HK1: variants seen among roughly 807,000 people sequenced by gnomAD.
HK1 encodes hexokinase 1.
In HK1, 28 loss-of-function variants were observed where a neutral mutation model predicts 91.6. The ratio of observed to expected loss-of-function variants is 0.31; its 90% CI spans 0.23 to 0.42. HK1 has a LOEUF of 0.42. Ranked by LOEUF, HK1 falls within the 10% of genes least tolerant of loss-of-function variation. The pLI is 1.00. For synonymous variants in HK1, 430 were observed against 468.1 expected, an observed-to-expected ratio of 0.92 and a Z score of 1.05; for missense variants, 770 against 1,219.8, an observed-to-expected ratio of 0.63 and a Z score of 5.49.
chr10:69,375,073 T>C (rs958071284), intron 7 of HK1, among the ~76,000 whole-genome samples: 2 of 152,234 alleles, frequency 1.3e-5, no homozygotes, highest in African/African-American at 4.8e-5. Flanking sequence ...TTGTTAGCCC[T>C]GTCCATGGGC....
intron 15 of HK1, among the ~76,000 whole-genome samples, chr10:69,394,232 A>G (rs920445629): frequency 2.0e-5 from 3 of 152,242 alleles, no homozygotes; most frequent in African/African-American, 7.2e-5. Flanking sequence ...AGGGCAGGAA[A>G]TTTGAAGTCC....
At chr10:69,384,941 T>C in intron 12 of HK1, 26 bp downstream of exon 12, 2 of 1,614,042 alleles carry the variant, frequency 1.2e-6, no homozygotes, top group African/African-American at 1.3e-5. Flanking sequence ...TAGGGCTCAG[T>C]GATCGGGCAG....
At chr10:69,379,196 A>G (rs966061688) in intron 8 of HK1, among the ~76,000 whole-genome samples, 3 of 152,212 alleles carry the variant, frequency 2.0e-5, no homozygotes, top group Admixed American at 6.5e-5. Flanking sequence ...GAGATAAGAT[A>G]CAGAAGTCAA....
chr10:69,381,533 A>G (rs1316170114), intron 9 of HK1, among the ~76,000 whole-genome samples: 2 of 147,946 alleles, frequency 1.4e-5, no homozygotes, highest in African/African-American at 5.0e-5. Context: ...AACATGAAGT[A>G]TATCATCTTA....
chr10:69,400,631 ATTCATGTCCTAGCC>A (rs1412788441), intron 17 of HK1, among the ~76,000 whole-genome samples: 1 of 152,112 alleles, frequency 6.6e-6, no homozygotes, highest in Non-Finnish European at 1.5e-5. Flanking sequence ...TGTGTGTGTT[ATTCATGTCCTAGCC>A]TTCATAAGCC....
At chr10:69,315,553 T>C (rs954347965), upstream of HK1, among the ~76,000 whole-genome samples, 4 of 151,592 alleles carry the variant, frequency 2.6e-5, no homozygotes, top group Non-Finnish European at 4.4e-5. Flanking sequence ...ATCCAGGGAG[T>C]AACTGTCAAG....
intron 4 of HK1, 55 bp downstream of exon 4, chr10:69,364,957 A>G (rs1849625164): frequency 6.2e-7 from 1 of 1,605,802 alleles, no homozygotes; most frequent in Non-Finnish European, 8.5e-7. Context: ...TGGAAAAGCT[A>G]ACAAGCCCTT....
At chr10:69,367,183 G>C (rs1231130450) in intron 4 of HK1, among the ~76,000 whole-genome samples, 1 of 152,238 alleles carries the variant, frequency 6.6e-6, no homozygotes, top group Non-Finnish European at 1.5e-5. Context: ...AGAGGTGGGG[G>C]GTGTCCACCT....
chr10:69,393,728 C>T (rs771379252), intron 15 of HK1, among the ~76,000 whole-genome samples: 2 of 152,198 alleles, frequency 1.3e-5, no homozygotes, highest in Non-Finnish European at 2.9e-5. Context: ...GATGCTGTCG[C>T]CTACCAAATG....
At chr10:69,362,354 G>A (rs1299783154) in intron 3 of HK1, among the ~76,000 whole-genome samples, 1 of 151,730 alleles carries the variant, frequency 6.6e-6, no homozygotes, top group Admixed American at 6.6e-5. Context: ...CTGGATTATA[G>A]ATGTGAGCCA....
chr10:69,301,936 A>G lies in HK1; in HGVS notation c.27+1075A>G, dbSNP rs796348480. On this transcript the variant is annotated intron_variant, in intron 5 of 21. Coordinates refer to the HK1 transcript ENST00000360289. ...TTGAATAAGAAGAAAGAGAACTCAC[A>G]TTTCCTGATTTCAAAATTTTAAAAG... is the stretch of plus-strand genomic sequence containing the variant. Among the ~76,000 whole-genome samples, 115 of 152,156 alleles carry G rather than the reference A, an allele frequency of 7.6e-4. 3 individuals are homozygous for G. Among genetic ancestry groups the G allele is most frequent in the African/African-American group, 2.5e-3 (104 of 41,516 alleles).
intron 13 of HK1, among the ~76,000 whole-genome samples, chr10:69,387,700 C>T (rs190900941): frequency 6.6e-6 from 1 of 152,192 alleles, no homozygotes; most frequent in Non-Finnish European, 1.5e-5. Flanking sequence ...CAAGATGCCC[C>T]CGGGGTGTGT....
intron 2 of HK1, among the ~76,000 whole-genome samples, chr10:69,356,755 C>T (rs552124644): frequency 1.9e-4 from 29 of 151,822 alleles, no homozygotes; most frequent in Middle Eastern, 3.4e-3. Flanking sequence ...TGGTGGTGCA[C>T]GCCTATAATC....
intron 17 of HK1, among the ~76,000 whole-genome samples, chr10:69,399,177 A>G (rs1840277072): frequency 1.3e-5 from 2 of 152,174 alleles, no homozygotes; most frequent in African/African-American, 2.4e-5. Flanking sequence ...AGCTGTAGCC[A>G]GGCCAGAGGC....
At chr10:69,387,880 T>C (rs1839718479) in intron 13 of HK1, among the ~76,000 whole-genome samples, 1 of 145,394 alleles carries the variant, frequency 6.9e-6, no homozygotes, top group Non-Finnish European at 1.5e-5. Flanking sequence ...TTAAATTTTT[T>C]TTTTGACTTT....
At chr10:69,358,311 G>A (rs936244252) in intron 2 of HK1, among the ~76,000 whole-genome samples, 1 of 152,204 alleles carries the variant, frequency 6.6e-6, no homozygotes, top group African/African-American at 2.4e-5. Context: ...TTTGCCCATG[G>A]CCGCCTGCCT....
At chr10:69,275,395 AAAAC>A (rs1033165843) in intron 1 of HK1, among the ~76,000 whole-genome samples, 6 of 148,382 alleles carry the variant, frequency 4.0e-5, no homozygotes, top group Admixed American at 2.7e-4. Context: ...ATTTAAAAAA[AAAAC>A]AACTTAAATT....
chr10:69,345,269 A>C (rs11818709), intron 2 of HK1, among the ~76,000 whole-genome samples: 6,410 of 152,056 alleles, frequency 0.042, 455 homozygotes, highest in African/African-American at 0.15. Context: ...CTCCACCTCC[A>C]CCCTTTTGTT....
At chr10:69,286,909 T>G (rs1845059922) in intron 2 of HK1, among the ~76,000 whole-genome samples, 1 of 152,158 alleles carries the variant, frequency 6.6e-6, no homozygotes, top group Non-Finnish European at 1.5e-5. Flanking sequence ...AGGAAGCTCA[T>G]AGAGAAACCA....
Sources: allele counts gnomAD v4.1 joint callset (sites outside exome capture counted in the v4.1 genomes callset), GRCh38; gene constraint gnomAD v4.1.1; transcripts MANE v1.5; gene names NCBI Gene and HGNC (gene_info 2026-07-23, HGNC 2026-07-21).